Variants in COL21A1 observed in about 807,000 individuals in gnomAD.
COL21A1 encodes collagen type XXI alpha 1 chain, also known as collagen alpha-1(XXI) chain.
Under a neutral mutation model 137.9 loss-of-function variants are expected in COL21A1, and 149 were observed. That is an observed-to-expected ratio of 1.08 (90% CI 0.95 to 1.24). The LOEUF is 1.24. Among genes scored for constraint, COL21A1 ranks in the 50% most tolerant of loss-of-function variants. The pLI is 0.00. For missense variants in COL21A1, 1,167 were observed against 1,158.4 expected (o/e 1.01, Z -0.11); for synonymous variants, 456 against 391.5 (o/e 1.16, Z -1.95).
At position 56,124,122 on chromosome 6, in the gene COL21A1, A is replaced by C. The variant is rs900629750; in HGVS notation, c.1705-7T>G. Reference sequence around the variant, plus strand: ...CATGTCTTCCTGGTTCTCCCTAAAAAATAAATACATATGCTTTAATATATT... The same window carrying C: ...CATGTCTTCCTGGTTCTCCCTAAAACATAAATACATATGCTTTAATATATT... On this transcript the variant is annotated splice_polypyrimidine_tract_variant and splice_region_variant and intron_variant, in intron 15 of 29. Transcript: ENST00000244728. 6.5e-7 allele frequency: 1 copy of C among 1,540,754 alleles called. No individual in the cohort carries two copies. The highest frequency in any genetic ancestry group is 8.8e-7 in the Non-Finnish European group (1 of 1,141,194).
intron 1 of COL21A1, among the ~76,000 whole-genome samples, chr6:56,310,423 T>G (rs943658143): frequency 5.9e-5 from 9 of 152,254 alleles, no homozygotes; most frequent in Non-Finnish European, 1.0e-4. Context: ...AGAGTTTGAG[T>G]ATCAGTATTT....
At chr6:56,260,347 C>T (rs751172683) in intron 1 of COL21A1, among the ~76,000 whole-genome samples, 4 of 151,618 alleles carry the variant, frequency 2.6e-5, no homozygotes, top group Non-Finnish European at 4.4e-5. Flanking sequence ...ACTTTGGGAG[C>T]AGAGGCAGGT....
rs1042347590 is a variant in COL21A1 at position 56,210,707 on chromosome 6, G to T, written c.-38-28051C>A. The stretch of plus-strand genomic sequence containing the variant: ...TGTGAATGGCTTTTGCCAATAAAAA[G>T]TAAAACTTGAATCTACTCAAGTCTC... On this transcript the variant is annotated intron_variant, in intron 1 of 29. Transcript: ENST00000244728. Among the ~76,000 whole-genome samples the T allele has an allele frequency of 3.3e-5, 5 of 152,096 alleles. No individual in the cohort carries two copies. In the East Asian group the frequency reaches 9.6e-4, roughly 29 times the overall value.
intron 1 of COL21A1, among the ~76,000 whole-genome samples, chr6:56,194,806 C>T (rs943291565): frequency 3.5e-5 from 5 of 144,010 alleles, no homozygotes; most frequent in Non-Finnish European, 7.5e-5. Flanking sequence ...GAAGGGTCTT[C>T]ATTTTGGCTA....
chr6:56,168,718 C>T (rs1776792992), intron 5 of COL21A1, among the ~76,000 whole-genome samples: 1 of 152,004 alleles, frequency 6.6e-6, no homozygotes, highest in Admixed American at 6.6e-5. Context: ...TTCTTCCTCC[C>T]TAGTTGCTCA....
At position 56,119,759 on chromosome 6, in the gene COL21A1, C is replaced by T. The variant is rs568739827; in HGVS notation, c.1758+4303G>A. ...AGAACCCAGAAACAAATCTACATACCTACAGTGAACTCATTTTTGACAAAG... is the reference window on the plus strand; with the variant it reads ...AGAACCCAGAAACAAATCTACATACTTACAGTGAACTCATTTTTGACAAAG... On this transcript the variant is annotated intron_variant, in intron 16 of 29. Transcript: ENST00000244728. 3.9e-5 allele frequency among the ~76,000 whole-genome samples: 6 copies of T among 152,098 alleles called. No homozygotes were observed. The South Asian group carries it at 1.0e-3, about 26-fold the overall frequency.
intron 1 of COL21A1, among the ~76,000 whole-genome samples, chr6:56,195,846 TAAAGA>T (rs765471972): frequency 1.1e-4 from 17 of 151,920 alleles, no homozygotes; most frequent in African/African-American, 2.9e-4. Flanking sequence ...TCCAAAAAAT[TAAAGA>T]AAAGAAAATA....
At chr6:56,260,653 AAGGAAT>A (rs1763238886) in intron 1 of COL21A1, among the ~76,000 whole-genome samples, 3 of 42,540 alleles carry the variant, frequency 7.1e-5, no homozygotes, top group African/African-American at 9.9e-5. Context: ...GGAAGGAAGG[AAGGAAT>A]GAAGGAAGGA....
At position 56,057,803 on chromosome 6, in the gene COL21A1, C is replaced by CT; in HGVS notation, c.2727dup (p.Gly910ArgfsTer34). ...TCTTTGCCAGGGAGACCTGGGTCTCCTGGAGGACCTTCTTTGCTTATTCCA... is the reference window on the plus strand; with the variant it reads ...TCTTTGCCAGGGAGACCTGGGTCTCCTTGGAGGACCTTCTTTGCTTATTCCA... On this transcript the variant is annotated frameshift_variant, in exon 30 of 30. Transcript: ENST00000244728. LOFTEE classifies it high-confidence loss of function. 6.9e-6 allele frequency: 11 copies of CT among 1,594,592 alleles called. No homozygotes were observed. The highest frequency in any genetic ancestry group is 9.4e-6 in the Non-Finnish European group (11 of 1,171,576).
intron 9 of COL21A1, among the ~76,000 whole-genome samples, chr6:56,158,460 G>A (rs989384910): frequency 1.3e-5 from 2 of 151,162 alleles, no homozygotes; most frequent in Non-Finnish European, 3.0e-5. Context: ...TTTTGTAGAG[G>A]TGGGGTCTCA....
intron 16 of COL21A1, among the ~76,000 whole-genome samples, chr6:56,121,484 A>C (rs1293315122): frequency 7.8e-6 from 1 of 127,994 alleles, no homozygotes; most frequent in African/African-American, 2.8e-5. Context: ...ATATATATAC[A>C]TATACATATA....
intron 1 of COL21A1, among the ~76,000 whole-genome samples, chr6:56,317,803 C>T (rs1009909424): frequency 3.3e-5 from 5 of 152,130 alleles, no homozygotes; most frequent in African/African-American, 9.7e-5. Context: ...CCATCCCTTG[C>T]CGCCTTCATG....
At chr6:56,124,956 C>A (rs1457649704) in intron 14 of COL21A1, among the ~76,000 whole-genome samples, 1 of 138,132 alleles carries the variant, frequency 7.2e-6, no homozygotes, top group South Asian at 2.4e-4. Context: ...TCAGTGGACA[C>A]GGTTTTTAAG....
intron 17 of COL21A1, among the ~76,000 whole-genome samples, chr6:56,091,818 A>T (rs964585498): frequency 2.0e-5 from 3 of 152,218 alleles, no homozygotes; most frequent in African/African-American, 7.2e-5. Context: ...ACTCGTCAAC[A>T]TGATAACTTG....
At chr6:56,120,890 G>T (rs550073073) in intron 16 of COL21A1, among the ~76,000 whole-genome samples, 1 of 151,966 alleles carries the variant, frequency 6.6e-6, no homozygotes, top group East Asian at 1.9e-4. Context: ...AAGGAAATCA[G>T]CATATTAAAG....
At chr6:56,176,827 A>G (rs925157884) in intron 3 of COL21A1, among the ~76,000 whole-genome samples, 26 of 150,022 alleles carry the variant, frequency 1.7e-4, no homozygotes, top group Non-Finnish European at 2.8e-4. Flanking sequence ...TATGAGGGGG[A>G]AAGAGAAAAA....
intron 1 of COL21A1, among the ~76,000 whole-genome samples, chr6:56,392,195 C>T (rs1303603286): frequency 1.3e-5 from 2 of 152,056 alleles, no homozygotes; most frequent in Non-Finnish European, 2.9e-5. Context: ...ATTCAACATA[C>T]ACAAATCAAT....
At chr6:56,383,966 C>T (rs2094013089) in intron 1 of COL21A1, among the ~76,000 whole-genome samples, 1 of 150,392 alleles carries the variant, frequency 6.6e-6, no homozygotes, top group Non-Finnish European at 1.5e-5. Context: ...TTCACAAATC[C>T]AAAGATGTGA....
chr6:56,308,036 A>G (rs939853362), intron 1 of COL21A1, among the ~76,000 whole-genome samples: 7 of 152,222 alleles, frequency 4.6e-5, no homozygotes, highest in Admixed American at 2.6e-4. Flanking sequence ...ATATGCAACA[A>G]TATGCATGCT....
Sources: allele counts gnomAD v4.1 joint callset (sites outside exome capture counted in the v4.1 genomes callset), GRCh38; gene constraint gnomAD v4.1.1; transcripts MANE v1.5; gene names NCBI Gene and HGNC (gene_info 2026-07-23, HGNC 2026-07-21).